The following SCFD2 variants were observed in gnomAD, a reference collection of about 807,000 sequenced individuals.
SCFD2 encodes sec1 family domain-containing protein 2.
SCFD2 carries 54 observed loss-of-function variants against 58.9 expected under a neutral mutation model. The observed-to-expected ratio is 0.92, with a 90% CI of 0.74 to 1.15. The LOEUF (loss-of-function observed/expected upper bound fraction) is 1.15, where lower values mean the gene tolerates loss of function less well. Among genes scored for constraint, SCFD2 ranks in the 50% most tolerant of loss-of-function variants. The pLI is 0.00. For synonymous variants in SCFD2, 321 were observed against 335.9 expected (o/e 0.96, Z 0.49); for missense variants, 805 against 836.6 (o/e 0.96, Z 0.47).
At chr4:52,956,360 T>C (rs1221363479) in intron 5 of SCFD2, 5 of 383,358 alleles carry the variant, frequency 1.3e-5, no homozygotes, top group African/African-American at 2.1e-5. Context: ...GGGCTTTTTA[T>C]GGCAAGTGAC....
intron 5 of SCFD2, among the ~76,000 whole-genome samples, chr4:52,941,234 T>C (rs954202219): frequency 6.6e-6 from 1 of 152,208 alleles, no homozygotes; most frequent in Admixed American, 6.5e-5. Context: ...GATGTAATGG[T>C]GAACAAGACA....
intron 5 of SCFD2, among the ~76,000 whole-genome samples, chr4:52,959,897 A>AACACACACAC (rs10529140): frequency 0.027 from 3,697 of 138,170 alleles, 61 homozygotes; most frequent in Admixed American, 0.038. Flanking sequence ...TCCAAATTGA[A>AACACACACAC]ACACACACAC....
intron 3 of SCFD2, among the ~76,000 whole-genome samples, chr4:53,292,949 ATAGGT>A (rs1731893489): frequency 6.6e-6 from 1 of 152,170 alleles, no homozygotes; most frequent in Non-Finnish European, 1.5e-5. Context: ...AGACAAATTC[ATAGGT>A]GGAGCAAACC....
chr4:53,240,252 T>C (rs1464895499), intron 4 of SCFD2, among the ~76,000 whole-genome samples: 1 of 152,182 alleles, frequency 6.6e-6, no homozygotes, highest in Non-Finnish European at 1.5e-5. Flanking sequence ...GATCTAAGAC[T>C]CTATAATTGA....
chr4:53,164,498 G>C (rs551189429), intron 4 of SCFD2, among the ~76,000 whole-genome samples: 5 of 152,278 alleles, frequency 3.3e-5, no homozygotes, highest in Non-Finnish European at 7.4e-5. Flanking sequence ...CCATCTAGAA[G>C]TAAGGGCAGT....
intron 5 of SCFD2, among the ~76,000 whole-genome samples, chr4:52,971,750 T>A (rs1447798539): frequency 2.0e-5 from 3 of 152,166 alleles, no homozygotes; most frequent in Non-Finnish European, 4.4e-5. Flanking sequence ...GAAAAAATGT[T>A]CAGGGCAGCC....
intron 5 of SCFD2, among the ~76,000 whole-genome samples, chr4:53,092,958 G>A (rs563742491): frequency 5.9e-5 from 9 of 152,180 alleles, no homozygotes; most frequent in Admixed American, 1.3e-4. Flanking sequence ...TCTGAAGGAG[G>A]TACAAGAGTG....
intron 3 of SCFD2, among the ~76,000 whole-genome samples, chr4:53,274,308 T>G (rs1413481848): frequency 2.0e-5 from 3 of 152,168 alleles, no homozygotes; most frequent in Non-Finnish European, 4.4e-5. Flanking sequence ...TCAAATAAAG[T>G]CACACAAATA....
intron 5 of SCFD2, among the ~76,000 whole-genome samples, chr4:52,977,843 A>C (rs1721288238): frequency 6.6e-6 from 1 of 152,210 alleles, no homozygotes; most frequent in South Asian, 2.1e-4. Context: ...AGAAGGATGA[A>C]GAGACTTCAT....
chr4:53,176,501 T>C (rs1456851434), intron 4 of SCFD2, among the ~76,000 whole-genome samples: 1 of 152,208 alleles, frequency 6.6e-6, no homozygotes, highest in Admixed American at 6.5e-5. Flanking sequence ...ACACCCTAAA[T>C]TGCCTTTGCT....
In SCFD2 at chr4:52,873,846, C is replaced by A; in HGVS notation, c.*123G>T. On this transcript the variant is annotated 3_prime_UTR_variant, in exon 9 of 9. Transcript: ENST00000401642. ...TGAGTAGGTATCAAGACCCTTCAGG[C>A]AGAATTCCATCATTCTCGCAATTAG... The A allele has an allele frequency of 1.5e-6, 1 of 677,686 alleles. No homozygotes were observed. 42.0% of individuals were successfully genotyped at this position (677,686 alleles called of 1,614,324 possible). A position where few individuals can be genotyped will look rare whatever the true frequency, so the allele number is the denominator to read the frequency against.
At chr4:53,189,338 C>T (rs1209564036) in intron 4 of SCFD2, among the ~76,000 whole-genome samples, 1 of 152,200 alleles carries the variant, frequency 6.6e-6, no homozygotes, top group East Asian at 1.9e-4. Context: ...GATTTAGATT[C>T]TGTCACATGA....
chr4:53,169,237 G>A lies in SCFD2; in HGVS notation c.1312-23655C>T, dbSNP rs560859840. Reference sequence around the variant, plus strand: ...CTAAAAATACAAAAATTAGCTGGGCGCCTGTAATCCCAGCTACTCGGGAGG... The same window carrying A: ...CTAAAAATACAAAAATTAGCTGGGCACCTGTAATCCCAGCTACTCGGGAGG... On this transcript the variant is annotated intron_variant, in intron 4 of 8. Coordinates refer to ENST00000401642, the MANE Select transcript of SCFD2 (RefSeq NM_152540.4). 4.5e-4 allele frequency among the ~76,000 whole-genome samples: 68 copies of A among 152,198 alleles called. No individual in the cohort carries two copies. In the South Asian group the frequency reaches 5.6e-3, roughly 13 times the overall value.
At chr4:53,320,544 G>A (rs1732993457) in intron 2 of SCFD2, among the ~76,000 whole-genome samples, 1 of 152,172 alleles carries the variant, frequency 6.6e-6, no homozygotes, top group Non-Finnish European at 1.5e-5. Context: ...TTAAACCTGG[G>A]AGGTGGAAGT....
chr4:52,912,751 G>A lies in SCFD2; in HGVS notation c.1708-5160C>T, dbSNP rs542543291. On this transcript the variant is annotated intron_variant, in intron 6 of 8. Coordinates refer to ENST00000401642, the MANE Select transcript of SCFD2 (RefSeq NM_152540.4). ...GCCCTAAATCATGTCACTGAAATCTGGTTAGAATGAACTGCTTGGCAATGA... is the reference window on the plus strand; with the variant it reads ...GCCCTAAATCATGTCACTGAAATCTAGTTAGAATGAACTGCTTGGCAATGA... 5.3e-5 allele frequency among the ~76,000 whole-genome samples: 8 copies of A among 152,308 alleles called. No homozygotes were observed. The South Asian group carries it at 1.0e-3, about 20-fold the overall frequency.
chr4:53,323,569 G>A (rs927304838), intron 2 of SCFD2, among the ~76,000 whole-genome samples: 2 of 135,982 alleles, frequency 1.5e-5, no homozygotes, highest in Non-Finnish European at 3.1e-5. Context: ...TTTTTGCGGA[G>A]ATGAATTTTC....
chr4:53,229,911 A>C (rs979141690), intron 4 of SCFD2, among the ~76,000 whole-genome samples: 9 of 152,244 alleles, frequency 5.9e-5, no homozygotes, highest in Non-Finnish European at 1.0e-4. Flanking sequence ...CAATGAACTC[A>C]AACAAATTTA....
At chr4:53,252,093 GACAA>G (rs1453284655) in intron 4 of SCFD2, among the ~76,000 whole-genome samples, 10 of 149,382 alleles carry the variant, frequency 6.7e-5, no homozygotes, top group African/African-American at 2.4e-4. Flanking sequence ...ACCAATAACA[GACAA>G]ACAGAGAGCC....
chr4:53,190,032 T>C (rs181916658), intron 4 of SCFD2, among the ~76,000 whole-genome samples: 8 of 152,270 alleles, frequency 5.3e-5, no homozygotes, highest in African/African-American at 1.7e-4. Context: ...TAACATGATA[T>C]GAAAATACAC....
Sources: allele counts gnomAD v4.1 joint callset (sites outside exome capture counted in the v4.1 genomes callset), GRCh38; gene constraint gnomAD v4.1.1; transcripts MANE v1.5; gene names NCBI Gene and HGNC (gene_info 2026-07-23, HGNC 2026-07-21).